The following FHDC1 variants were observed in gnomAD, a reference collection of about 807,000 sequenced individuals.
FHDC1 encodes FH2 domain containing 1.
In FHDC1, 25 loss-of-function variants were observed where a neutral mutation model predicts 52.6. The ratio of observed to expected loss-of-function variants is 0.48; its 90% confidence interval spans 0.35 to 0.66. The LOEUF (loss-of-function observed/expected upper bound fraction) is 0.66. FHDC1 is among the 30% of genes least tolerant of loss of function. FHDC1 has a pLI of 0.01. For synonymous variants in FHDC1, 616 were observed against 581.5 expected (o/e 1.06, Z -0.85); for missense variants, 1,459 against 1,452.8 (o/e 1.00, Z -0.07).
chr4:152,957,112 G>A (rs1740111148), intron 4 of FHDC1, among the ~76,000 whole-genome samples: 1 of 152,172 alleles, frequency 6.6e-6, no homozygotes. Context: ...AGGAGACAGG[G>A]CCAAATAAGA....
intron 4 of FHDC1, among the ~76,000 whole-genome samples, chr4:152,957,736 G>A (rs1402186687): frequency 6.6e-6 from 1 of 152,166 alleles, no homozygotes; most frequent in Non-Finnish European, 1.5e-5. Context: ...CTGACAAGCC[G>A]ACCAAAGCCA....
In FHDC1 at chr4:152,962,946, TGTGTG is replaced by T. The variant is rs1561210699; in HGVS notation, c.921+63_921+67del. On this transcript the variant is annotated intron_variant, in intron 7 of 11. Coordinates refer to ENST00000511601, the MANE Select transcript of FHDC1 (RefSeq NM_001371116.1). ...TCAACCTTGTCTATCTAAAGGTGTG[TGTGTG>T]TGTGTGTGTGTGTGTGTGTGTGTGT... 1.5e-3 allele frequency: 1,864 copies of T among 1,233,844 alleles called. 13 individuals carry two copies. Among genetic ancestry groups the T allele is most frequent in the South Asian group, 0.015 (1,159 of 78,942 alleles). The allele number at this position is 1,233,844 out of a possible 1,614,324, so 76.4% of individuals were successfully genotyped here. A position where few individuals can be genotyped will look rare whatever the true frequency, so the allele number is the denominator to read the frequency against.
At chr4:152,962,296 C>T (rs775954508) in intron 6 of FHDC1, among the ~76,000 whole-genome samples, 5 of 152,092 alleles carry the variant, frequency 3.3e-5, no homozygotes, top group Non-Finnish European at 5.9e-5. Context: ...CCTGGGCCCT[C>T]GCGGTTTGTG....
chr4:152,949,206 T>C (rs1465093209), intron 2 of FHDC1, among the ~76,000 whole-genome samples: 1 of 151,244 alleles, frequency 6.6e-6, no homozygotes, highest in African/African-American at 2.4e-5. Context: ...CCAGGCATGG[T>C]GGCTGAAACC....
At position 152,974,896 on chromosome 4, in the gene FHDC1, C is replaced by T. The variant is rs1479434606; in HGVS notation, c.1605C>T (p.Asn535=). Residue 535 remains asparagine, a synonymous_variant, in exon 12 of 12, where the codon AAC becomes AAT. Transcript: ENST00000511601. ...SPSSPSYRPP[N]TRRSRLSLGP... ...CCAGCCCCTCCTACCGGCCCCCGAA[C>T]ACCCGCCGCTCCCGCCTCTCCCTGG... 1.2e-6 allele frequency: 2 copies of T among 1,608,310 alleles called. No homozygotes were observed. The highest frequency in any genetic ancestry group is 1.7e-6 in the Non-Finnish European group (2 of 1,178,290).
rs1739617390 is a variant in FHDC1, at chr4:152,943,028, G to T, written c.-30G>T. 1.9e-6 allele frequency: 3 copies of T among 1,570,130 alleles called. No individual in the cohort carries two copies. Among genetic ancestry groups the T allele is most frequent in the African/African-American group, 1.3e-5 (1 of 74,086 alleles). On this transcript the variant is annotated 5_prime_UTR_variant, in exon 2 of 12. Coordinates refer to ENST00000511601, the MANE Select transcript of FHDC1 (RefSeq NM_001371116.1). The stretch of plus-strand genomic sequence containing the variant: ...TTTGTGTCTTCTTCTCCAAGGCCAA[G>T]AAATTATCTCCATAGGAGGCAACAG...
At chr4:152,963,427 A>G (rs994635296) in intron 8 of FHDC1, among the ~76,000 whole-genome samples, 4 of 152,222 alleles carry the variant, frequency 2.6e-5, no homozygotes, top group African/African-American at 9.6e-5. Context: ...GGGAACCAAC[A>G]GGAGTTTGTG....
chr4:152,973,538 G>A (rs1740741091), intron 11 of FHDC1, among the ~76,000 whole-genome samples: 1 of 152,208 alleles, frequency 6.6e-6, no homozygotes, highest in Admixed American at 6.5e-5. Flanking sequence ...AGGCCTGTGA[G>A]GCCACCTGTG....
At chr4:152,962,519 C>A (rs569806233) in intron 6 of FHDC1, among the ~76,000 whole-genome samples, 5 of 152,210 alleles carry the variant, frequency 3.3e-5, no homozygotes, top group Non-Finnish European at 5.9e-5. Flanking sequence ...TACTGCTTTG[C>A]ATTAGGCTTT....
intron 1 of FHDC1, among the ~76,000 whole-genome samples, chr4:152,937,390 G>T (rs1739416516): frequency 6.6e-6 from 1 of 152,112 alleles, no homozygotes; most frequent in Non-Finnish European, 1.5e-5. Context: ...CAACTTCTGG[G>T]CGCAGCGTGC....
intron 2 of FHDC1, 56 bp downstream of exon 2, chr4:152,943,611 G>C: frequency 4.5e-6 from 7 of 1,541,786 alleles, no homozygotes; most frequent in Non-Finnish European, 6.1e-6. Context: ...TTTGTGTTTT[G>C]GGATGTGTGT....
intron 3 of FHDC1, 143 bp downstream of exon 3, chr4:152,953,703 T>C (rs546521069): frequency 3.9e-4 from 277 of 714,264 alleles, no homozygotes; most frequent in Non-Finnish European, 5.4e-4. Flanking sequence ...TGCAAGTGAC[T>C]GTCACTTTCT....
chr4:152,955,447 A>G (rs1162188854), intron 4 of FHDC1, among the ~76,000 whole-genome samples: 1 of 152,226 alleles, frequency 6.6e-6, no homozygotes, highest in Non-Finnish European at 1.5e-5. Flanking sequence ...ATACCTAAAT[A>G]ATATAGATTC....
At position 152,977,443 on chromosome 4, in the gene FHDC1, T is replaced by C. The variant is rs1035050122; in HGVS notation, c.*720T>C. On this transcript the variant is annotated 3_prime_UTR_variant, in exon 12 of 12. Coordinates refer to ENST00000511601, the MANE Select transcript of FHDC1 (RefSeq NM_001371116.1). ...AGTGAAATGCCTCCCAGGAAAAAAA[T>C]ACATATGTATTTTTTTGCGACAGGG... 8 of 151,952 alleles carry C rather than the reference T, an allele frequency of 5.3e-5. No homozygotes were observed. The highest frequency in any genetic ancestry group is 7.4e-5 in the Non-Finnish European group (5 of 67,966). The allele number at this position is 151,952 out of a possible 1,614,324, so 9.4% of individuals were successfully genotyped here. A position where few individuals can be genotyped will look rare whatever the true frequency, so the allele number is the denominator to read the frequency against.
At chr4:152,960,544 C>A in intron 4 of FHDC1, 21 bp from the exon 5 acceptor site, 1 of 1,591,298 alleles carries the variant, frequency 6.3e-7, no homozygotes. Context: ...TATATACCCC[C>A]CCTTTCCATT....
chr4:152,953,729 G>A (rs1739996096), intron 3 of FHDC1, among the ~76,000 whole-genome samples, 169 bp downstream of exon 3: 1 of 152,144 alleles, frequency 6.6e-6, no homozygotes, highest in Non-Finnish European at 1.5e-5. Flanking sequence ...TTTTCTTCAG[G>A]GAAACATAAC....
intron 4 of FHDC1, among the ~76,000 whole-genome samples, chr4:152,957,734 CCGA>C (rs1331502604): frequency 6.6e-6 from 1 of 152,206 alleles, no homozygotes; most frequent in African/African-American, 2.4e-5. Flanking sequence ...AGCTGACAAG[CCGA>C]CCAAAGCCAA....
intron 6 of FHDC1, among the ~76,000 whole-genome samples, chr4:152,961,190 C>T (rs1291266328): frequency 3.9e-5 from 6 of 151,932 alleles, no homozygotes; most frequent in African/African-American, 7.3e-5. Context: ...GGGCTGTGCA[C>T]GTACACAAAG....
intron 4 of FHDC1, among the ~76,000 whole-genome samples, chr4:152,959,342 ACTTTC>A (rs1740203504): frequency 6.6e-6 from 1 of 151,872 alleles, no homozygotes; most frequent in South Asian, 2.1e-4. Flanking sequence ...TTGTTTGAAA[ACTTTC>A]CTTTCATCTC....
Sources: gnomAD v4.1 joint callset for allele counts (sites outside exome capture counted in the v4.1 genomes callset) on GRCh38, gnomAD v4.1.1 for gene constraint, MANE v1.5 for transcripts, NCBI Gene and HGNC (gene_info 2026-07-23, HGNC 2026-07-21) for gene names.